Variants in ETV6 observed in about 807,000 individuals in gnomAD.
The protein encoded by ETV6 is transcription factor ETV6.
Under a neutral mutation model 51.1 loss-of-function variants are expected in ETV6, and 16 were observed. The observed-to-expected ratio is 0.31, with a 90% CI of 0.21 to 0.48. The LOEUF is 0.48. Among genes scored for constraint, ETV6 ranks in the 20% least tolerant of loss-of-function variants. ETV6 has a pLI of 0.99. For synonymous variants in ETV6, 240 were observed against 224.1 expected (o/e 1.07, Z -0.64); for missense variants, 458 against 594.8 (o/e 0.77, Z 2.39).
intron 1 of ETV6, among the ~76,000 whole-genome samples, chr12:11,686,877 A>G (rs1178754492): frequency 2.0e-5 from 3 of 151,956 alleles, no homozygotes; most frequent in East Asian, 1.9e-4. Flanking sequence ...TTGCTTGGCA[A>G]TACCTTTTTT....
intron 1 of ETV6, among the ~76,000 whole-genome samples, chr12:11,650,894 T>G (rs991578192): frequency 6.6e-6 from 1 of 152,192 alleles, no homozygotes; most frequent in South Asian, 2.1e-4. Flanking sequence ...TGACCTTCTG[T>G]GTTTGACAGT....
intron 1 of ETV6, among the ~76,000 whole-genome samples, chr12:11,652,327 A>G (rs186825937): frequency 6.6e-6 from 1 of 152,324 alleles, no homozygotes; most frequent in African/African-American, 2.4e-5. Context: ...ACTAGAGATC[A>G]AGGACTGGGA....
intron 1 of ETV6, among the ~76,000 whole-genome samples, chr12:11,718,118 C>T (rs77350890): frequency 0.015 from 2,332 of 152,150 alleles, 30 homozygotes; most frequent in Non-Finnish European, 0.024. Flanking sequence ...GGGAAGTTTC[C>T]GAAACTTCCA....
chr12:11,680,723 C>T (rs1311134796), intron 1 of ETV6, among the ~76,000 whole-genome samples: 1 of 152,188 alleles, frequency 6.6e-6, no homozygotes, highest in African/African-American at 2.4e-5. Flanking sequence ...TCTACTTCTA[C>T]ATGCCTATGA....
intron 2 of ETV6, among the ~76,000 whole-genome samples, chr12:11,831,233 T>G (rs775282458): frequency 2.2e-4 from 34 of 152,190 alleles, no homozygotes; most frequent in South Asian, 4.1e-4. Flanking sequence ...GTGTGTGTGT[T>G]TGTTTGTTTT....
At position 11,853,468 on chromosome 12, in the gene ETV6, A is replaced by G. The variant is rs756279882; in HGVS notation, c.370A>G (p.Arg124Gly). 1 of 1,614,220 alleles carries G rather than the reference A, an allele frequency of 6.2e-7. No homozygotes were observed. The highest frequency in any genetic ancestry group is 2.2e-5 in the East Asian group (1 of 44,888). Residue 124 changes from arginine (R) to glycine (G), a missense_variant, in exon 4 of 8, where the codon AGG (arginine) becomes GGG (glycine). Around this residue, in one of 4 missense-constraint regions of ETV6, gnomAD observed 293 missense variants for 315.7 expected, o/e 0.93. Coordinates refer to ENST00000396373, the MANE Select transcript of ETV6 (RefSeq NM_001987.5). ...ACTCCTTCAGCATATTCTGAAGCAG[A>G]GGAAACCTCGGATTCTTTTTTCACC... ...YELLQHILKQ[R>G]KPRILFSPFF...
intron 2 of ETV6, among the ~76,000 whole-genome samples, chr12:11,794,540 GGA>G (rs1945649125): frequency 6.6e-6 from 1 of 152,204 alleles, no homozygotes; most frequent in South Asian, 2.1e-4. Context: ...TGGAATCAAG[GGA>G]GAGATACTCA....
At chr12:11,751,351 T>C (rs1420810985) in intron 1 of ETV6, 1 of 518,968 alleles carries the variant, frequency 1.9e-6, no homozygotes, top group Non-Finnish European at 3.8e-6. Flanking sequence ...GAGTTTTATT[T>C]TCATAGTGGC....
intron 2 of ETV6, among the ~76,000 whole-genome samples, chr12:11,827,447 A>T (rs1011797348): frequency 1.3e-5 from 2 of 152,192 alleles, no homozygotes; most frequent in African/African-American, 4.8e-5. Context: ...GAGGTGCTGT[A>T]GGTCAGATTT....
At chr12:11,766,911 G>A (rs988819911) in intron 2 of ETV6, among the ~76,000 whole-genome samples, 2 of 152,250 alleles carry the variant, frequency 1.3e-5, no homozygotes, top group Admixed American at 1.3e-4. Context: ...TCTGTGCTGG[G>A]TGGACGATAT....
At chr12:11,794,202 A>C (rs1945644152) in intron 2 of ETV6, among the ~76,000 whole-genome samples, 1 of 152,180 alleles carries the variant, frequency 6.6e-6, no homozygotes, top group South Asian at 2.1e-4. Flanking sequence ...CCTGGACCTT[A>C]GTGTGGGCGT....
chr12:11,732,508 C>G (rs984795205), intron 1 of ETV6, among the ~76,000 whole-genome samples: 1 of 152,218 alleles, frequency 6.6e-6, no homozygotes, highest in Admixed American at 6.5e-5. Context: ...AAGCTCTACT[C>G]TGGAGAAGGA....
Position 11,877,475 on chromosome 12 carries a change from C to T in ETV6, c.1010-6970C>T, listed in dbSNP as rs74060899. Among the ~76,000 whole-genome samples, 965 of 152,240 alleles carry T rather than the reference C, an allele frequency of 6.3e-3. 10 individuals are homozygous for T. The highest frequency in any genetic ancestry group is 0.022 in the African/African-American group (917 of 41,550). ...GCAGACACATGTGCACCTTCGCACA[C>T]ATGCATCTGTGCATAAATATCTGTG... On this transcript the variant is annotated intron_variant, in intron 5 of 7. Transcript: ENST00000396373.
chr12:11,659,268 A>G (rs1270464039), intron 1 of ETV6, among the ~76,000 whole-genome samples: 3 of 152,180 alleles, frequency 2.0e-5, no homozygotes, highest in Admixed American at 2.0e-4. Flanking sequence ...TGTGGACCTA[A>G]ATTCGATCCT....
At chr12:11,677,600 G>T (rs1481075594) in intron 1 of ETV6, among the ~76,000 whole-genome samples, 1 of 152,226 alleles carries the variant, frequency 6.6e-6, no homozygotes, top group Non-Finnish European at 1.5e-5. Flanking sequence ...TTGATTGGAT[G>T]TATGCGTATT....
intron 1 of ETV6, among the ~76,000 whole-genome samples, chr12:11,730,672 ACT>A (rs879454003): frequency 1.3e-5 from 2 of 151,880 alleles, no homozygotes; most frequent in Non-Finnish European, 2.9e-5. Flanking sequence ...GGTTTTGGCA[ACT>A]CTCTCCACCG....
chr12:11,891,286 T>TCCTTCTGATTTGGA lies in ETV6; in HGVS notation c.*241_*254dup, dbSNP rs1446308832. ...TGAGCCTGGGACTCCATGTCACGTTTCCTTCTGATTTGGAATCTCTCCATC... is the reference window on the plus strand; with the variant it reads ...TGAGCCTGGGACTCCATGTCACGTTTCCTTCTGATTTGGACCTTCTGATTTGGAATCTCTCCATC... On this transcript the variant is annotated 3_prime_UTR_variant, in exon 8 of 8. Transcript: ENST00000396373. The TCCTTCTGATTTGGA allele has an allele frequency of 2.4e-5, 11 of 451,192 alleles. No individual in the cohort carries two copies. Among genetic ancestry groups the TCCTTCTGATTTGGA allele is most frequent in the Non-Finnish European group, 4.0e-5 (10 of 251,024 alleles). The allele number at this position is 451,192 out of a possible 1,614,324, so 27.9% of individuals were successfully genotyped here. A position where few individuals can be genotyped will look rare whatever the true frequency, so the allele number is the denominator to read the frequency against.
intron 2 of ETV6, chr12:11,825,589 CCTTAA>C (rs1417644199): frequency 1.3e-5 from 2 of 152,208 alleles, no homozygotes; most frequent in Non-Finnish European, 2.9e-5. Flanking sequence ...ATCTTGAGAT[CCTTAA>C]CTTAATGACG....
At chr12:11,703,772 C>T (rs527439200) in intron 1 of ETV6, among the ~76,000 whole-genome samples, 1 of 152,136 alleles carries the variant, frequency 6.6e-6, no homozygotes, top group East Asian at 1.9e-4. Flanking sequence ...GGGGAGCTTC[C>T]TGGATGGGAG....
Sources: allele counts gnomAD v4.1 joint callset (sites outside exome capture counted in the v4.1 genomes callset), GRCh38; gene constraint gnomAD v4.1.1; regional missense constraint gnomAD v4.1.1; transcripts MANE v1.5; gene names NCBI Gene and HGNC (gene_info 2026-07-23, HGNC 2026-07-21).